RAB3GAP2: variants seen among roughly 807,000 people sequenced by gnomAD.
RAB3GAP2 encodes the protein RAB3 GTPase activating non-catalytic protein subunit 2, also known as rab3 GTPase-activating protein non-catalytic subunit.
Under a neutral mutation model 185.3 loss-of-function variants are expected in RAB3GAP2, and 87 were observed. The observed-to-expected ratio is 0.47, with a 90% CI of 0.39 to 0.56. RAB3GAP2 has a LOEUF of 0.56. Among genes scored for constraint, RAB3GAP2 ranks in the 20% least tolerant of loss-of-function variants. The probability of loss-of-function intolerance (pLI) is 0.00; values close to 1 mark genes in which losing one functional copy is unlikely to be tolerated. For synonymous variants in RAB3GAP2, 554 were observed against 576.1 expected, an observed-to-expected ratio of 0.96 and a Z score of 0.55; for missense variants, 1,492 against 1,638.2, an observed-to-expected ratio of 0.91 and a Z score of 1.54.
intron 2 of RAB3GAP2, among the ~76,000 whole-genome samples, chr1:220,218,706 T>C (rs1659246240): frequency 1.3e-5 from 2 of 151,850 alleles, no homozygotes. Flanking sequence ...ACCTGCACGT[T>C]GTGCACATGT....
At chr1:220,207,615 T>C (rs1658993808) in intron 7 of RAB3GAP2, 1 of 152,278 alleles carries the variant, frequency 6.6e-6, no homozygotes, top group Admixed American at 6.5e-5. Context: ...AGACTAAGCA[T>C]GCATGGCCCA....
chr1:220,151,872 G>A, intron 33 of RAB3GAP2, 108 bp from the exon 34 acceptor site: 1 of 1,188,548 alleles, frequency 8.4e-7, no homozygotes. Flanking sequence ...TTGAACTGTG[G>A]CCATTTATCT....
At chr1:220,235,545 A>T (rs1446936535) in intron 1 of RAB3GAP2, among the ~76,000 whole-genome samples, 1 of 152,234 alleles carries the variant, frequency 6.6e-6, no homozygotes, top group Non-Finnish European at 1.5e-5. Context: ...GGCTGTAATC[A>T]TTCATGCATT....
chr1:220,244,587 C>T (rs543250089), intron 1 of RAB3GAP2, among the ~76,000 whole-genome samples: 16 of 152,084 alleles, frequency 1.1e-4, no homozygotes, highest in African/African-American at 2.4e-4. Context: ...AAAAAGAGCC[C>T]GCATAGCCAA....
intron 2 of RAB3GAP2, chr1:220,219,619 C>T (rs535793462): frequency 2.0e-5 from 3 of 152,326 alleles, no homozygotes; most frequent in Non-Finnish European, 2.9e-5. Flanking sequence ...CACAGTATTG[C>T]TCCAGAAGGG....
At chr1:220,172,424 T>A (rs1658195813) in intron 22 of RAB3GAP2, among the ~76,000 whole-genome samples, 1 of 152,084 alleles carries the variant, frequency 6.6e-6, no homozygotes, top group Non-Finnish European at 1.5e-5. Flanking sequence ...AATCATGTTA[T>A]TTTTTTATGA....
intron 1 of RAB3GAP2, chr1:220,266,694 T>C: frequency 6.4e-7 from 1 of 1,559,414 alleles, no homozygotes; most frequent in Admixed American, 1.7e-5. Context: ...TTTCTCCCCC[T>C]GCACGATTCC....
chr1:220,191,683 C>T (rs775876381), intron 13 of RAB3GAP2, among the ~76,000 whole-genome samples: 3 of 151,698 alleles, frequency 2.0e-5, no homozygotes, highest in South Asian at 2.1e-4. Flanking sequence ...CTAGGCATGG[C>T]GGCGCATGCC....
Position 220,172,013 on chromosome 1 carries a change from G to C in RAB3GAP2, c.2453C>G (p.Ser818Cys). Residue 818 changes from serine (S) to cysteine (C), a missense_variant, in exon 23 of 35, where the codon TCC (serine) becomes TGC (cysteine). By Grantham distance (112) the Ser-to-Cys change is moderately radical. Coordinates refer to ENST00000358951, the MANE Select transcript of RAB3GAP2 (RefSeq NM_012414.4). ...TGTGCGCATCTGCTGCCACCATGGG[G>C]ACACAGACTGAGAATCCCAGGTCTC... is the stretch of plus-strand genomic sequence containing the variant. ...IDETWDSQSV[S>C]PWWQQMRTAC... 6.2e-7 allele frequency: 1 copy of C among 1,614,186 alleles called. No individual in the cohort carries two copies. Among genetic ancestry groups the C allele is most frequent in the Non-Finnish European group, 8.5e-7 (1 of 1,180,024 alleles).
chr1:220,203,303 C>T (rs1447956817), intron 8 of RAB3GAP2, among the ~76,000 whole-genome samples: 3 of 152,204 alleles, frequency 2.0e-5, no homozygotes, highest in Non-Finnish European at 4.4e-5. Flanking sequence ...AATCAGTAAA[C>T]TCCCATGCTA....
At position 220,195,286 on chromosome 1, in the gene RAB3GAP2, T is replaced by C. The variant is rs2102871889; in HGVS notation, c.1040+12A>G. 1 of 1,603,832 alleles carries C rather than the reference T, an allele frequency of 6.2e-7. No individual in the cohort carries two copies. Among genetic ancestry groups the C allele is most frequent in the South Asian group, 1.1e-5 (1 of 90,826 alleles). ...AATGAGATATTTGTTATTTTAATTG[T>C]TAAGTAATTACCTGGCAGCATTAAA... On this transcript the variant is annotated intron_variant, in intron 11 of 34. Coordinates refer to ENST00000358951, the MANE Select transcript of RAB3GAP2 (RefSeq NM_012414.4).
chr1:220,194,212 A>T (rs1214851591), intron 12 of RAB3GAP2, among the ~76,000 whole-genome samples: 1 of 151,936 alleles, frequency 6.6e-6, no homozygotes, highest in African/African-American at 2.4e-5. Context: ...AAAACCAAAC[A>T]TTAGAAAACA....
intron 2 of RAB3GAP2, among the ~76,000 whole-genome samples, chr1:220,225,441 C>T (rs1571915644): frequency 6.6e-6 from 1 of 152,280 alleles, no homozygotes; most frequent in East Asian, 1.9e-4. Context: ...AATATCAGCG[C>T]TATTGACATC....
At chr1:220,192,230 T>G (rs895786336) in intron 13 of RAB3GAP2, among the ~76,000 whole-genome samples, 1 of 152,206 alleles carries the variant, frequency 6.6e-6, no homozygotes, top group African/African-American at 2.4e-5. Flanking sequence ...TCTGCAGTAT[T>G]AAAACTATTT....
intron 1 of RAB3GAP2, among the ~76,000 whole-genome samples, chr1:220,244,181 T>C (rs551655337): frequency 3.3e-4 from 51 of 152,334 alleles, no homozygotes; most frequent in African/African-American, 1.1e-3. Flanking sequence ...AAAAGGCCCC[T>C]GGATCTGATA....
intron 17 of RAB3GAP2, among the ~76,000 whole-genome samples, chr1:220,186,002 G>C (rs1658501127): frequency 6.6e-6 from 1 of 152,034 alleles, no homozygotes; most frequent in South Asian, 2.1e-4. Flanking sequence ...CTACTTAACA[G>C]AATAGCCAAA....
At chr1:220,211,217 T>TA in intron 4 of RAB3GAP2, 1 of 680,570 alleles carries the variant, frequency 1.5e-6, no homozygotes, top group Non-Finnish European at 2.7e-6. Flanking sequence ...TTGAGGTTAA[T>TA]AAAAAACAGA....
intron 21 of RAB3GAP2, among the ~76,000 whole-genome samples, chr1:220,179,177 A>G (rs1347222605): frequency 7.2e-6 from 1 of 138,172 alleles, no homozygotes; most frequent in Non-Finnish European, 1.5e-5. Context: ...TGAACCTGGG[A>G]GGTAGAGGTT....
intron 2 of RAB3GAP2, among the ~76,000 whole-genome samples, chr1:220,227,575 T>C (rs1251876359): frequency 6.6e-6 from 1 of 152,206 alleles, no homozygotes; most frequent in Non-Finnish European, 1.5e-5. Flanking sequence ...CTGCTGCTCC[T>C]TTCCTCTTTG....
Sources: allele counts gnomAD v4.1 joint callset (sites outside exome capture counted in the v4.1 genomes callset), GRCh38; gene constraint gnomAD v4.1.1; transcripts MANE v1.5; gene names NCBI Gene and HGNC (gene_info 2026-07-23, HGNC 2026-07-21).